The following PKHD1 variants were observed in gnomAD, a reference collection of about 807,000 sequenced individuals.
The protein encoded by PKHD1 is fibrocystin.
PKHD1 carries 291 observed loss-of-function variants against 412.0 expected under a neutral mutation model. The observed-to-expected ratio is 0.71, with a 90% CI of 0.64 to 0.78. The LOEUF is 0.78. PKHD1 is among the 30% of genes least tolerant of loss of function. The probability of loss-of-function intolerance (pLI) is 0.00; values close to 1 mark genes in which losing one functional copy is unlikely to be tolerated. For synonymous variants in PKHD1, 1,777 were observed against 1,821.5 expected (o/e 0.98, Z 0.62); for missense variants, 4,825 against 4,950.7 (o/e 0.97, Z 0.76).
intron 50 of PKHD1, among the ~76,000 whole-genome samples, chr6:51,837,320 G>T (rs1027953681): frequency 6.6e-6 from 1 of 152,128 alleles, no homozygotes; most frequent in South Asian, 2.1e-4. Context: ...TTGGGGACTC[G>T]GCCAAATTCA....
intron 52 of PKHD1, among the ~76,000 whole-genome samples, chr6:51,805,025 CT>C (rs1763547678): frequency 6.6e-6 from 1 of 152,158 alleles, no homozygotes. Flanking sequence ...AATCACCTTA[CT>C]GGGTATATAT....
chr6:51,969,357 T>A (rs1396061299), intron 35 of PKHD1, among the ~76,000 whole-genome samples: 1 of 152,190 alleles, frequency 6.6e-6, no homozygotes, highest in African/African-American at 2.4e-5. Context: ...ATTTCAGCCT[T>A]GAGAGACCTT....
intron 45 of PKHD1, among the ~76,000 whole-genome samples, chr6:51,884,411 G>T (rs555485374): frequency 9.6e-4 from 146 of 152,252 alleles, no homozygotes; most frequent in Non-Finnish European, 1.5e-3. Context: ...ATACCACACT[G>T]TCTTGATTAT....
chr6:51,856,082 T>C lies in PKHD1; in HGVS notation c.7734-12A>G, dbSNP rs1773256667. ...CAGGAGTATTCGCTCTAAGGTGATTTTAAAAGGAAAAAAAATGGGTTGAGA... is the reference window on the plus strand; with the variant it reads ...CAGGAGTATTCGCTCTAAGGTGATTCTAAAAGGAAAAAAAATGGGTTGAGA... On this transcript the variant is annotated splice_polypyrimidine_tract_variant and intron_variant, in intron 48 of 66. Coordinates refer to ENST00000371117, the MANE Select transcript of PKHD1 (RefSeq NM_138694.4). 1 of 1,544,910 alleles carries C rather than the reference T, an allele frequency of 6.5e-7. No individual in the cohort carries two copies. The highest frequency in any genetic ancestry group is 8.9e-7 in the Non-Finnish European group (1 of 1,118,906).
At chr6:51,937,355 A>G (rs1453434067) in intron 36 of PKHD1, among the ~76,000 whole-genome samples, 1 of 152,216 alleles carries the variant, frequency 6.6e-6, no homozygotes, top group East Asian at 1.9e-4. Flanking sequence ...GGGCACATGT[A>G]CTTACGACCT....
chr6:51,685,334 T>A (rs1777272039), intron 60 of PKHD1, among the ~76,000 whole-genome samples: 2 of 152,138 alleles, frequency 1.3e-5, no homozygotes, highest in Non-Finnish European at 2.9e-5. Context: ...TTCCTCTCTT[T>A]TCTTTTCCTC....
At chr6:51,808,770 A>T (rs965922872) in intron 52 of PKHD1, among the ~76,000 whole-genome samples, 1 of 152,048 alleles carries the variant, frequency 6.6e-6, no homozygotes, top group African/African-American at 2.4e-5. Context: ...TGGAATGTGG[A>T]TCTACGCAAA....
At chr6:51,637,312 T>C (rs1768706346) in intron 64 of PKHD1, among the ~76,000 whole-genome samples, 1 of 152,198 alleles carries the variant, frequency 6.6e-6, no homozygotes, top group African/African-American at 2.4e-5. Flanking sequence ...GAATTGGGAA[T>C]CCCACGGTCA....
chr6:51,720,716 C>A (rs1290045404), intron 60 of PKHD1: 2 of 147,930 alleles, frequency 1.4e-5, no homozygotes, highest in Non-Finnish European at 3.0e-5. Flanking sequence ...TACCTATTTA[C>A]CTATTTATAA....
intron 66 of PKHD1, among the ~76,000 whole-genome samples, chr6:51,621,588 C>G (rs1169765632): frequency 6.6e-6 from 1 of 152,172 alleles, no homozygotes; most frequent in Non-Finnish European, 1.5e-5. Context: ...ACAAGCATAG[C>G]TTTCCTTTGC....
At chr6:51,789,762 C>G (rs372958918) in intron 53 of PKHD1, among the ~76,000 whole-genome samples, 14 of 152,206 alleles carry the variant, frequency 9.2e-5, no homozygotes, top group African/African-American at 3.1e-4. Flanking sequence ...ACAGCAATAA[C>G]TATGAACCAT....
chr6:51,857,418 C>A (rs1773477203), intron 48 of PKHD1, among the ~76,000 whole-genome samples: 1 of 152,172 alleles, frequency 6.6e-6, no homozygotes, highest in African/African-American at 2.4e-5. Context: ...TGGAATAATT[C>A]AAAAAGGAAC....
At chr6:52,022,762 A>G (rs1801582763) in intron 33 of PKHD1, 39 bp downstream of exon 33, 4 of 1,601,366 alleles carry the variant, frequency 2.5e-6, no homozygotes. Context: ...ATTTCCATAT[A>G]TATGCTTTAA....
At chr6:51,922,369 T>A (rs1192466011) in intron 37 of PKHD1, among the ~76,000 whole-genome samples, 1 of 152,226 alleles carries the variant, frequency 6.6e-6, no homozygotes, top group African/African-American at 2.4e-5. Context: ...CAGCCCCTAC[T>A]GGGAGGTGTC....
At chr6:51,691,591 T>C (rs1485000781) in intron 60 of PKHD1, among the ~76,000 whole-genome samples, 1 of 152,084 alleles carries the variant, frequency 6.6e-6, no homozygotes. Flanking sequence ...CACTTATAAG[T>C]GGAAGCTAAA....
chr6:51,721,664 A>G (rs987068409), intron 60 of PKHD1: 1 of 1,208,542 alleles, frequency 8.3e-7, no homozygotes, highest in Admixed American at 4.0e-5. Context: ...ACTCCCCCAT[A>G]TCTGCTACTG....
chr6:51,924,618 T>C (rs1485193090), intron 37 of PKHD1, among the ~76,000 whole-genome samples: 2 of 152,104 alleles, frequency 1.3e-5, no homozygotes, highest in Non-Finnish European at 2.9e-5. Context: ...AGGCATAAGT[T>C]GAAGGTACCA....
intron 43 of PKHD1, 84 bp from the exon 44 acceptor site, chr6:51,887,329 C>A: frequency 1.2e-6 from 1 of 832,820 alleles, no homozygotes; most frequent in East Asian, 2.5e-5. Context: ...TTGTACTCAT[C>A]CCAATTTTAT....
intron 60 of PKHD1, among the ~76,000 whole-genome samples, chr6:51,729,526 T>C (rs1252868154): frequency 1.3e-5 from 2 of 152,184 alleles, no homozygotes; most frequent in African/African-American, 4.8e-5. Context: ...ATTTTCTTTT[T>C]CATTTTCTGT....
Sources: gnomAD v4.1 joint callset for allele counts (sites outside exome capture counted in the v4.1 genomes callset) on GRCh38, gnomAD v4.1.1 for gene constraint, MANE v1.5 for transcripts, NCBI Gene and HGNC (gene_info 2026-07-23, HGNC 2026-07-21) for gene names.